Variants in TTC8 observed in about 807,000 individuals in gnomAD.
The protein encoded by TTC8 is tetratricopeptide repeat protein 8.
Under a neutral mutation model 72.5 loss-of-function variants are expected in TTC8, and 47 were observed. The observed-to-expected ratio is 0.65, with a 90% CI of 0.51 to 0.83. The LOEUF is 0.83. TTC8 is among the 40% of genes least tolerant of loss of function. The pLI is 0.00. For synonymous variants in TTC8, 199 were observed against 221.4 expected, an observed-to-expected ratio of 0.90 and a Z score of 0.90; for missense variants, 611 against 623.2, an observed-to-expected ratio of 0.98 and a Z score of 0.21.
intron 10 of TTC8, among the ~76,000 whole-genome samples, chr14:88,865,620 A>G (rs1454867574): frequency 6.6e-6 from 1 of 152,172 alleles, no homozygotes. Flanking sequence ...GTAAGCCAAG[A>G]TCGTGCCATT....
chr14:88,857,285 A>G lies in TTC8; in HGVS notation c.798+8A>G. ...TTTCTGTACTTGGCAAAAGTAAGTA[A>G]ATCTTAATTTGAGTGAAATCTGCCT... On this transcript the variant is annotated splice_region_variant and intron_variant, in intron 9 of 14. Transcript: ENST00000380656. 4 of 1,611,230 alleles carry G rather than the reference A, an allele frequency of 2.5e-6. No individual in the cohort carries two copies. The highest frequency in any genetic ancestry group is 3.4e-6 in the Non-Finnish European group (4 of 1,177,552).
At chr14:88,851,706 G>A (rs778933036) in intron 7 of TTC8, among the ~76,000 whole-genome samples, 2 of 152,004 alleles carry the variant, frequency 1.3e-5, no homozygotes, top group East Asian at 3.9e-4. Context: ...CTGGGGGCAG[G>A]GTGGTGGGGG....
chr14:88,837,445 C>T (rs560434258), intron 2 of TTC8, among the ~76,000 whole-genome samples: 113 of 152,190 alleles, frequency 7.4e-4, no homozygotes, highest in African/African-American at 2.6e-3. Flanking sequence ...CATGGAAATT[C>T]TTTCCAGTTA....
chr14:88,856,062 C>T (rs1313057842), intron 8 of TTC8, among the ~76,000 whole-genome samples: 2 of 152,098 alleles, frequency 1.3e-5, no homozygotes, highest in Non-Finnish European at 2.9e-5. Context: ...CCAGCCTGGG[C>T]GACAGAGACT....
At chr14:88,824,195 T>C (rs2094687629), upstream of TTC8, 6 of 152,622 alleles carry the variant, frequency 3.9e-5, no homozygotes. Context: ...TTTAGGACTT[T>C]AGGTCTTGAT....
intron 5 of TTC8, 61 bp from the exon 6 acceptor site, chr14:88,841,364 A>C (rs1027174434): frequency 1.6e-5 from 25 of 1,605,444 alleles, no homozygotes; most frequent in Non-Finnish European, 2.0e-5. Flanking sequence ...ATGCATATTA[A>C]ACTTGTTTAC....
chr14:88,880,711 A>G (rs2094970173), downstream of TTC8: 1 of 152,132 alleles, frequency 6.6e-6, no homozygotes, highest in Non-Finnish European at 1.5e-5. Context: ...CTGGTCTAAT[A>G]GCTTCAATTT....
Position 88,871,839 on chromosome 14 carries a change from C to A in TTC8, c.1224+116C>A, listed in dbSNP as rs377665439. On this transcript the variant is annotated intron_variant, in intron 12 of 14. Transcript: ENST00000380656. This position sits in a 1 kb window ranked among gnomAD's most constrained non-coding sequence, Gnocchi z 4.1. ...GGCTGAAGCAGGAGGATTGCTTGAG[C>A]CCAGGAGTTTGAGACCACCCTGGGC... The A allele has an allele frequency of 2.2e-5, 27 of 1,253,896 alleles. 1 individual carries two copies. The highest frequency in any genetic ancestry group is 7.0e-5 in the East Asian group (3 of 42,616). The allele number at this position is 1,253,896 out of a possible 1,614,324, so 77.7% of individuals were successfully genotyped here.
At chr14:88,828,721 T>C (rs1167543108) in intron 1 of TTC8, among the ~76,000 whole-genome samples, 1 of 152,230 alleles carries the variant, frequency 6.6e-6, no homozygotes, top group Non-Finnish European at 1.5e-5. Flanking sequence ...TATTTGTTAA[T>C]CTTTTTATAA....
intron 8 of TTC8, 59 bp downstream of exon 8, chr14:88,853,115 C>A (rs2094840769): frequency 7.8e-7 from 1 of 1,282,632 alleles, no homozygotes; most frequent in Non-Finnish European, 1.1e-6. Flanking sequence ...GGTCTCAAAT[C>A]TGATACTTTT....
chr14:88,824,848 G>C (rs1386678703), intron 1 of TTC8, 27 bp downstream of exon 1: 5 of 1,578,124 alleles, frequency 3.2e-6, no homozygotes, highest in Non-Finnish European at 4.3e-6. Context: ...GTCAGCCTGT[G>C]CATCCTGACG....
chr14:88,876,698 T>C (rs1408564993), intron 14 of TTC8, among the ~76,000 whole-genome samples: 2 of 152,204 alleles, frequency 1.3e-5, no homozygotes, highest in East Asian at 3.8e-4. Flanking sequence ...ATAAAGTTCA[T>C]TGAAAATCAG....
intron 10 of TTC8, 152 bp from the exon 11 acceptor site, chr14:88,869,907 C>T: frequency 2.7e-6 from 2 of 745,894 alleles, no homozygotes; most frequent in South Asian, 1.8e-5. Flanking sequence ...TCTTTTTGTT[C>T]ATATTGTATC....
At chr14:88,835,070 A>G (rs1049310266) in intron 2 of TTC8, among the ~76,000 whole-genome samples, 1 of 152,218 alleles carries the variant, frequency 6.6e-6, no homozygotes, top group African/African-American at 2.4e-5. Flanking sequence ...ATACAATAAC[A>G]ATTCAGTATC....
chr14:88,858,754 ATTTTTTTT>A (rs138871136), intron 9 of TTC8, among the ~76,000 whole-genome samples: 6 of 86,912 alleles, frequency 6.9e-5, no homozygotes, highest in South Asian at 9.4e-4. Context: ...TGCCTGGATA[ATTTTTTTT>A]TTTTTTTTTT....
intron 1 of TTC8, among the ~76,000 whole-genome samples, chr14:88,826,078 C>T (rs772967412): frequency 1.1e-4 from 17 of 152,008 alleles, no homozygotes; most frequent in Non-Finnish European, 1.9e-4. Flanking sequence ...ACCTCCGCCT[C>T]CCAGGTTCAA....
intron 10 of TTC8, among the ~76,000 whole-genome samples, chr14:88,868,197 A>G (rs1431346304): frequency 1.3e-5 from 2 of 152,234 alleles, no homozygotes; most frequent in African/African-American, 4.8e-5. Flanking sequence ...ACCAACCTAC[A>G]GACTTTCTCC....
At chr14:88,858,044 C>T (rs1369141137) in intron 9 of TTC8, among the ~76,000 whole-genome samples, 2 of 151,996 alleles carry the variant, frequency 1.3e-5, no homozygotes, top group Non-Finnish European at 2.9e-5. Flanking sequence ...TCACTACAAC[C>T]TCTGCCTCCT....
At chr14:88,874,938 A>T in intron 13 of TTC8, 88 bp from the exon 14 acceptor site, 1 of 984,140 alleles carries the variant, frequency 1.0e-6, no homozygotes, top group Non-Finnish European at 1.5e-6. Flanking sequence ...ATAGGTAAAG[A>T]ATTCTTTTAC....
Sources: gnomAD v4.1 joint callset for allele counts (sites outside exome capture counted in the v4.1 genomes callset) on GRCh38, gnomAD v4.1.1 for gene constraint, Gnocchi (gnomAD v3.1) non-coding constraint, MANE v1.5 for transcripts, NCBI Gene and HGNC (gene_info 2026-07-23, HGNC 2026-07-21) for gene names.